Variants in PACSIN2 observed in about 807,000 individuals in gnomAD.
PACSIN2 encodes the protein protein kinase C and casein kinase substrate in neurons 2, also known as protein kinase C and casein kinase substrate in neurons protein 2.
A neutral mutation model predicts 63.8 loss-of-function variants in PACSIN2; 25 were observed. The observed-to-expected ratio is 0.39, with a 90% CI of 0.29 to 0.55. The LOEUF is 0.55. Ranked by LOEUF, PACSIN2 falls within the 20% of genes least tolerant of loss-of-function variation. PACSIN2 has a pLI of 0.62. For missense variants in PACSIN2, 518 were observed against 646.9 expected, an observed-to-expected ratio of 0.80 and a Z score of 2.16; for synonymous variants, 255 against 256.2, an observed-to-expected ratio of 1.00 and a Z score of 0.05.
intron 1 of PACSIN2, among the ~76,000 whole-genome samples, chr22:42,959,279 G>T (rs758667984): frequency 6.6e-6 from 1 of 152,178 alleles, no homozygotes; most frequent in African/African-American, 2.4e-5. Flanking sequence ...ATTAGATTTG[G>T]CTGTAAAGAA....
At chr22:42,889,373 T>TACATACACACACACACAC (rs1929733189) in intron 4 of PACSIN2, among the ~76,000 whole-genome samples, 1 of 122,424 alleles carries the variant, frequency 8.2e-6, no homozygotes, top group East Asian at 2.2e-4. Flanking sequence ...TAATGGTTTT[T>TACATACACACACACACAC]ACACACACAC....
Position 42,991,854 on chromosome 22 carries a change from C to T in PACSIN2, c.-78+23167G>A, listed in dbSNP as rs75005358. On this transcript the variant is annotated intron_variant, in intron 1 of 10. Coordinates refer to ENST00000263246, the MANE Select transcript of PACSIN2 (RefSeq NM_001184970.3). Reference sequence around the variant, plus strand: ...AACCTTCAATTCACACACCGCAACACATTTTAAAAGTTCAAAATGGATCAC... The same window carrying T: ...AACCTTCAATTCACACACCGCAACATATTTTAAAAGTTCAAAATGGATCAC... Among the ~76,000 whole-genome samples the T allele has an allele frequency of 5.0e-3, 744 of 148,988 alleles. 4 individuals are homozygous for T. Among genetic ancestry groups the T allele is most frequent in the African/African-American group, 0.018 (712 of 40,588 alleles).
intron 1 of PACSIN2, among the ~76,000 whole-genome samples, chr22:43,007,428 C>T (rs1003413727): frequency 6.6e-6 from 1 of 152,086 alleles, no homozygotes; most frequent in African/African-American, 2.4e-5. Context: ...GTTGGCCAGG[C>T]TGGTCTCAAA....
intron 1 of PACSIN2, among the ~76,000 whole-genome samples, chr22:42,957,973 A>G (rs1390113035): frequency 6.6e-6 from 1 of 152,164 alleles, no homozygotes; most frequent in Non-Finnish European, 1.5e-5. Context: ...AGAAATGTCA[A>G]TGCTCTTTGT....
chr22:42,956,471 T>C (rs1483970370), intron 1 of PACSIN2, among the ~76,000 whole-genome samples: 1 of 152,164 alleles, frequency 6.6e-6, no homozygotes, highest in Non-Finnish European at 1.5e-5. Context: ...TCAAAAGTAA[T>C]CACTATGGAA....
In PACSIN2 at chr22:42,942,897, C is replaced by A. The variant is rs1325215896; in HGVS notation, c.-77-30740G>T. ...AAAACTGTTCTGACTATTCTTGGTC[C>A]CTTGCATTTCCACAGGGATTTTAGA... is the stretch of plus-strand genomic sequence containing the variant. On this transcript the variant is annotated intron_variant, in intron 1 of 10. Coordinates refer to ENST00000263246, the MANE Select transcript of PACSIN2 (RefSeq NM_001184970.3). 2.6e-5 allele frequency among the ~76,000 whole-genome samples: 4 copies of A among 152,098 alleles called. No individual in the cohort carries two copies. The East Asian group carries it at 7.7e-4, about 29-fold the overall frequency.
intron 1 of PACSIN2, among the ~76,000 whole-genome samples, chr22:42,925,124 C>T (rs1932454641): frequency 6.6e-6 from 1 of 151,988 alleles, no homozygotes; most frequent in South Asian, 2.1e-4. Context: ...GCACTTACCA[C>T]CTCCTAACGA....
chr22:43,008,189 T>C (rs1353572177), intron 1 of PACSIN2, among the ~76,000 whole-genome samples: 1 of 152,172 alleles, frequency 6.6e-6, no homozygotes, highest in African/African-American at 2.4e-5. Flanking sequence ...AAAAAACATC[T>C]TTATTATGAT....
chr22:42,934,419 T>C (rs1438329775), intron 1 of PACSIN2, among the ~76,000 whole-genome samples: 1 of 152,214 alleles, frequency 6.6e-6, no homozygotes, highest in African/African-American at 2.4e-5. Flanking sequence ...CTTTGGGCCC[T>C]GCCTCAGCTG....
intron 1 of PACSIN2, among the ~76,000 whole-genome samples, chr22:42,990,229 G>A (rs1922953231): frequency 6.6e-6 from 1 of 152,040 alleles, no homozygotes; most frequent in Non-Finnish European, 1.5e-5. Context: ...CTGGGCACTT[G>A]CAATCACAGA....
rs575998371 is a variant in PACSIN2 at position 42,905,567 on chromosome 22, C to T, written c.60+6454G>A. Among the ~76,000 whole-genome samples the T allele has an allele frequency of 2.2e-4, 34 of 152,332 alleles. No homozygotes were observed. The East Asian group carries it at 3.5e-3, about 16-fold the overall frequency. On this transcript the variant is annotated intron_variant, in intron 2 of 10. Coordinates refer to ENST00000263246, the MANE Select transcript of PACSIN2 (RefSeq NM_001184970.3). ...ACTGCTGGCTGAGCCTGACCTGCGA[C>T]GGTGCACCCCAAATTCTGCTTTCTT...
intron 1 of PACSIN2, among the ~76,000 whole-genome samples, chr22:42,924,395 GT>G (rs1264724010): frequency 6.6e-6 from 1 of 152,190 alleles, no homozygotes; most frequent in African/African-American, 2.4e-5. Flanking sequence ...AACTGTAGCT[GT>G]ATGCACTGCT....
chr22:42,905,563 G>A (rs1453530106), intron 2 of PACSIN2, among the ~76,000 whole-genome samples: 1 of 152,232 alleles, frequency 6.6e-6, no homozygotes, highest in Non-Finnish European at 1.5e-5. Context: ...AGCCTGACCT[G>A]CGACGGTGCA....
At chr22:42,902,716 C>A (rs112569068) in intron 2 of PACSIN2, among the ~76,000 whole-genome samples, 3,983 of 152,208 alleles carry the variant, frequency 0.026, 78 homozygotes, top group Middle Eastern at 0.082. Context: ...TGGGTTCAAG[C>A]GATTCTCCTG....
intron 4 of PACSIN2, among the ~76,000 whole-genome samples, chr22:42,890,401 G>C (rs544747756): frequency 5.9e-5 from 9 of 152,234 alleles, no homozygotes; most frequent in Non-Finnish European, 1.2e-4. Flanking sequence ...GTATGGTTCT[G>C]ATCCTCAGTT....
chr22:42,910,310 C>A (rs1931362364), intron 2 of PACSIN2, among the ~76,000 whole-genome samples: 2 of 152,220 alleles, frequency 1.3e-5, no homozygotes, highest in South Asian at 4.1e-4. Context: ...CTCCCCATAA[C>A]TGGAAAGGTT....
At chr22:42,910,199 G>A (rs1931355830) in intron 2 of PACSIN2, among the ~76,000 whole-genome samples, 1 of 152,188 alleles carries the variant, frequency 6.6e-6, no homozygotes, top group Non-Finnish European at 1.5e-5. Context: ...TCACAAGGAA[G>A]GGCCTTTTGA....
chr22:42,873,213 TG>T (rs1222021415), intron 10 of PACSIN2, among the ~76,000 whole-genome samples: 1 of 152,214 alleles, frequency 6.6e-6, no homozygotes, highest in African/African-American at 2.4e-5. Context: ...TACTTGGATC[TG>T]GAAGAAACAT....
chr22:42,992,880 C>G (rs1402191983), intron 1 of PACSIN2, among the ~76,000 whole-genome samples: 3 of 152,140 alleles, frequency 2.0e-5, no homozygotes, highest in African/African-American at 7.2e-5. Flanking sequence ...AGAATATATA[C>G]TGGCCGGAAG....
Sources: allele counts gnomAD v4.1 joint callset (sites outside exome capture counted in the v4.1 genomes callset), GRCh38; gene constraint gnomAD v4.1.1; transcripts MANE v1.5; gene names NCBI Gene and HGNC (gene_info 2026-07-23, HGNC 2026-07-21).